Variants in PPIL3 observed in about 807,000 individuals in gnomAD.
PPIL3 encodes peptidyl-prolyl cis-trans isomerase-like 3.
Under a neutral mutation model 20.9 loss-of-function variants are expected in PPIL3, and 13 were observed. That is an observed-to-expected ratio of 0.62 (90% CI 0.40 to 0.99). The LOEUF is 0.99. Among genes scored for constraint, PPIL3 ranks in the 50% least tolerant of loss-of-function variants. The probability of loss-of-function intolerance (pLI) is 0.00; values close to 1 mark genes in which losing one functional copy is unlikely to be tolerated. For synonymous variants in PPIL3, 71 were observed against 64.4 expected, an observed-to-expected ratio of 1.10 and a Z score of -0.49; for missense variants, 170 against 195.2, an observed-to-expected ratio of 0.87 and a Z score of 0.77.
intron 2 of PPIL3, among the ~76,000 whole-genome samples, chr2:200,886,035 T>C (rs1298786795): frequency 6.6e-6 from 1 of 152,112 alleles, no homozygotes; most frequent in Non-Finnish European, 1.5e-5. Context: ...TGGAAGTAAA[T>C]ATTTTGATGG....
At position 200,888,978 on chromosome 2, in the gene PPIL3, G is replaced by A. The variant is rs1368816724; in HGVS notation, c.-93C>T. ...TACTTGGGCTTCACCACTTCGTCTA[G>A]CACAGCCGTTGTTAAAACAGGAAAA... On this transcript the variant is annotated 5_prime_UTR_variant, in exon 1 of 7. Coordinates refer to ENST00000392283, the MANE Select transcript of PPIL3 (RefSeq NM_130906.3). 3 of 471,210 alleles carry A rather than the reference G, an allele frequency of 6.4e-6. No individual in the cohort carries two copies. The highest frequency in any genetic ancestry group is 3.2e-4 in the Middle Eastern group (1 of 3,078). 29.2% of individuals were successfully genotyped at this position (471,210 alleles called of 1,614,324 possible).
chr2:200,877,993 T>C (rs921110409), intron 5 of PPIL3, among the ~76,000 whole-genome samples: 3 of 152,312 alleles, frequency 2.0e-5, no homozygotes, highest in Non-Finnish European at 2.9e-5. Flanking sequence ...TGTAATACAC[T>C]ACAACTCCAC....
chr2:200,887,855 G>C (rs1319665920), intron 1 of PPIL3, among the ~76,000 whole-genome samples, 170 bp from the exon 2 acceptor site: 2 of 151,912 alleles, frequency 1.3e-5, no homozygotes, highest in Non-Finnish European at 2.9e-5. Context: ...TCAGGAGTTC[G>C]AGACCAGCCT....
intron 5 of PPIL3, among the ~76,000 whole-genome samples, chr2:200,881,107 T>C (rs1344478151): frequency 6.6e-6 from 1 of 152,186 alleles, no homozygotes; most frequent in East Asian, 1.9e-4. Flanking sequence ...CACTGTTTCA[T>C]GTCATTCAAC....
At chr2:200,874,552 T>C (rs897786461) in intron 6 of PPIL3, among the ~76,000 whole-genome samples, 1 of 152,196 alleles carries the variant, frequency 6.6e-6, no homozygotes, top group African/African-American at 2.4e-5. Flanking sequence ...AAGGAATTAA[T>C]GAACCTAAGG....
At chr2:200,871,660 T>C in intron 6 of PPIL3, 139 bp from the exon 7 acceptor site, 1 of 739,646 alleles carries the variant, frequency 1.4e-6, no homozygotes, top group Non-Finnish European at 2.1e-6. Context: ...TACAACAAAA[T>C]GTTGATTTTC....
At chr2:200,876,264 T>C (rs981306234) in intron 6 of PPIL3, among the ~76,000 whole-genome samples, 1 of 151,732 alleles carries the variant, frequency 6.6e-6, no homozygotes, top group Non-Finnish European at 1.5e-5. Context: ...GAGCCATGAC[T>C]GTGCTACTGC....
intron 2 of PPIL3, 96 bp downstream of exon 2, chr2:200,887,517 G>A: frequency 2.4e-6 from 2 of 825,210 alleles, no homozygotes; most frequent in Middle Eastern, 3.3e-4. Context: ...TCTCCATCTT[G>A]CCACTGCAAT....
intron 2 of PPIL3, among the ~76,000 whole-genome samples, chr2:200,885,987 A>G (rs185930106): frequency 2.6e-5 from 4 of 152,348 alleles, no homozygotes; most frequent in Non-Finnish European, 5.9e-5. Flanking sequence ...ACTCCAGAAT[A>G]TAAATGTTAG....
chr2:200,888,940 T>C lies in PPIL3; in HGVS notation c.-71+16A>G. On this transcript the variant is annotated intron_variant, in intron 1 of 6. Coordinates refer to ENST00000392283, the MANE Select transcript of PPIL3 (RefSeq NM_130906.3). Reference sequence around the variant, plus strand: ...TCGAATAAGTGAATGAAAGAATTAATGACGTTACTCCATACTTGGGCTTCA... The same window carrying C: ...TCGAATAAGTGAATGAAAGAATTAACGACGTTACTCCATACTTGGGCTTCA... The C allele has an allele frequency of 4.2e-6, 2 of 471,216 alleles. No individual in the cohort carries two copies. Among genetic ancestry groups the C allele is most frequent in the Non-Finnish European group, 8.8e-6 (2 of 227,056 alleles). The allele number at this position is 471,216 out of a possible 1,614,324, so 29.2% of individuals were successfully genotyped here.
chr2:200,876,846 G>T, intron 6 of PPIL3, 73 bp downstream of exon 6: 1 of 1,117,982 alleles, frequency 8.9e-7, no homozygotes, highest in Non-Finnish European at 1.4e-6. Flanking sequence ...TATTAGTTAT[G>T]CTACTGTCAC....
At chr2:200,876,357 A>C (rs756211509) in intron 6 of PPIL3, among the ~76,000 whole-genome samples, 1 of 152,060 alleles carries the variant, frequency 6.6e-6, no homozygotes, top group Non-Finnish European at 1.5e-5. Flanking sequence ...GTTAATTTGC[A>C]TAACAATATT....
chr2:200,878,334 C>T (rs2039596802), intron 5 of PPIL3, among the ~76,000 whole-genome samples: 1 of 151,938 alleles, frequency 6.6e-6, no homozygotes, highest in Non-Finnish European at 1.5e-5. Context: ...CCATTTATTA[C>T]CTCAGCCTCT....
At chr2:200,875,153 A>G (rs2105760401) in intron 6 of PPIL3, among the ~76,000 whole-genome samples, 1 of 152,342 alleles carries the variant, frequency 6.6e-6, no homozygotes, top group Middle Eastern at 3.4e-3. Context: ...CCTAGGAGCC[A>G]TTCTTCTTAC....
chr2:200,884,465 T>C (rs982179269), intron 3 of PPIL3, among the ~76,000 whole-genome samples: 2 of 152,172 alleles, frequency 1.3e-5, no homozygotes, highest in East Asian at 3.9e-4. Context: ...AGGCCAGGCA[T>C]GGTGGCTCAC....
chr2:200,888,700 AT>A, intron 1 of PPIL3: 1 of 312,946 alleles, frequency 3.2e-6, no homozygotes, highest in South Asian at 2.5e-5. Context: ...TAATTTTTGT[AT>A]TTTTAGTAGA....
chr2:200,883,789 G>A (rs2039825702), intron 3 of PPIL3, among the ~76,000 whole-genome samples: 1 of 152,148 alleles, frequency 6.6e-6, no homozygotes, highest in Non-Finnish European at 1.5e-5. Context: ...TTGAGACAGG[G>A]TCTTGCTCTG....
intron 5 of PPIL3, among the ~76,000 whole-genome samples, chr2:200,880,531 A>G (rs544980478): frequency 6.6e-6 from 1 of 151,506 alleles, no homozygotes; most frequent in Admixed American, 6.6e-5. Context: ...CTACAGGCAC[A>G]CGCCACTATA....
chr2:200,873,240 T>G (rs1466860830), intron 6 of PPIL3, among the ~76,000 whole-genome samples: 13 of 150,868 alleles, frequency 8.6e-5, no homozygotes, highest in Admixed American at 7.3e-4. Flanking sequence ...ATTGCCCAGG[T>G]TGGAGTGCAG....
Sources: allele counts gnomAD v4.1 joint callset (sites outside exome capture counted in the v4.1 genomes callset), GRCh38; gene constraint gnomAD v4.1.1; transcripts MANE v1.5; gene names NCBI Gene and HGNC (gene_info 2026-07-23, HGNC 2026-07-21).